TRAF1: variants seen among roughly 807,000 people sequenced by gnomAD.
The protein encoded by TRAF1 is TNF receptor-associated factor 1.
A neutral mutation model predicts 40.9 loss-of-function variants in TRAF1; 23 were observed. That is an observed-to-expected ratio of 0.56 (90% CI 0.40 to 0.80). TRAF1 has a LOEUF of 0.80. Ranked by LOEUF, TRAF1 falls within the 30% of genes least tolerant of loss-of-function variation. The pLI is 0.00. For missense variants in TRAF1, 477 were observed against 528.7 expected, an observed-to-expected ratio of 0.90 and a Z score of 0.96; for synonymous variants, 206 against 218.8, an observed-to-expected ratio of 0.94 and a Z score of 0.52.
At chr9:120,917,624 C>G (rs959920737) in intron 3 of TRAF1, among the ~76,000 whole-genome samples, 1 of 152,140 alleles carries the variant, frequency 6.6e-6, no homozygotes, top group African/African-American at 2.4e-5. Flanking sequence ...GACTGCGTTG[C>G]TCCTGGAGGC....
intron 3 of TRAF1, among the ~76,000 whole-genome samples, chr9:120,921,670 T>C (rs1056329410): frequency 9.2e-5 from 14 of 152,174 alleles, no homozygotes; most frequent in African/African-American, 3.4e-4. Flanking sequence ...TCTTACCACG[T>C]TGCAGAGTGT....
intron 6 of TRAF1, among the ~76,000 whole-genome samples, chr9:120,909,972 G>A (rs2046513917): frequency 6.6e-6 from 1 of 152,220 alleles, no homozygotes; most frequent in Non-Finnish European, 1.5e-5. Flanking sequence ...GGTACATGGG[G>A]TGACTCGCAG....
At chr9:120,921,617 G>C (rs979324288) in intron 3 of TRAF1, among the ~76,000 whole-genome samples, 1 of 152,046 alleles carries the variant, frequency 6.6e-6, no homozygotes, top group Non-Finnish European at 1.5e-5. Context: ...GCCAAACAGT[G>C]AGGCTCAGGG....
chr9:120,915,882 T>A (rs1283232884), intron 3 of TRAF1, among the ~76,000 whole-genome samples: 1 of 152,160 alleles, frequency 6.6e-6, no homozygotes, highest in South Asian at 2.1e-4. Context: ...TATGAAAGTA[T>A]CTTATAAAGT....
At chr9:120,921,365 G>A (rs1053604050) in intron 3 of TRAF1, among the ~76,000 whole-genome samples, 8 of 151,894 alleles carry the variant, frequency 5.3e-5, no homozygotes, top group African/African-American at 1.9e-4. Context: ...CCATCAGAAT[G>A]CTTTTACTTT....
At chr9:120,920,956 G>A (rs542966744) in intron 3 of TRAF1, among the ~76,000 whole-genome samples, 22 of 152,250 alleles carry the variant, frequency 1.4e-4, no homozygotes, top group African/African-American at 5.1e-4. Flanking sequence ...TCCCACTGGG[G>A]CAAAAGTCAG....
At position 120,924,943 on chromosome 9, in the gene TRAF1, G is replaced by C. The variant is rs1009938533; in HGVS notation, c.140+993C>G. 2.6e-5 allele frequency among the ~76,000 whole-genome samples: 4 copies of C among 152,214 alleles called. 1 individual carries two copies. Among genetic ancestry groups the C allele is most frequent in the Admixed American group, 2.0e-4 (3 of 15,286 alleles). On this transcript the variant is annotated intron_variant, in intron 2 of 7. Coordinates refer to ENST00000373887, the MANE Select transcript of TRAF1 (RefSeq NM_005658.5). Reference sequence around the variant, plus strand: ...TGCCAGGTTTTGGAAGGAGGGAGAGGGGAAACCAGGAGACCCACTACCAGA... The same window carrying C: ...TGCCAGGTTTTGGAAGGAGGGAGAGCGGAAACCAGGAGACCCACTACCAGA...
At chr9:120,923,953 C>A (rs1347093560) in intron 2 of TRAF1, among the ~76,000 whole-genome samples, 161 bp from the exon 3 acceptor site, 5 of 152,144 alleles carry the variant, frequency 3.3e-5, no homozygotes, top group African/African-American at 1.2e-4. Flanking sequence ...GCCGAGTATC[C>A]CACATTTTTT....
At chr9:120,914,095 C>A in intron 4 of TRAF1, 140 bp downstream of exon 4, 1 of 701,482 alleles carries the variant, frequency 1.4e-6, no homozygotes, top group Non-Finnish European at 2.2e-6. Flanking sequence ...GGCTCTGATG[C>A]TTGGGAAAGT....
chr9:120,917,451 C>G (rs1246408809), intron 3 of TRAF1, among the ~76,000 whole-genome samples: 2 of 152,178 alleles, frequency 1.3e-5, no homozygotes, highest in South Asian at 4.1e-4. Context: ...TACCCCCTTA[C>G]AGGGTTATTG....
chr9:120,913,331 C>A lies in TRAF1; in HGVS notation c.702G>T (p.Gln234His). The change falls in exon 5 of 8, where the codon CAG (glutamine) becomes CAT (histidine). Residue 234 changes from glutamine to histidine, a missense_variant. Coordinates refer to ENST00000373887, the MANE Select transcript of TRAF1 (RefSeq NM_005658.5). ...CAAACCTGCCTCCCACACTCACCCT[C>A]TGCTCCAAGCTCAGGATGCGCTCAC... is the stretch of plus-strand genomic sequence containing the variant. ...LDRERILSLE[Q>H]RVVELQQTLA... 1 of 1,602,074 alleles carries A rather than the reference C, an allele frequency of 6.2e-7. No individual in the cohort carries two copies. The highest frequency in any genetic ancestry group is 1.1e-5 in the South Asian group (1 of 90,086).
Position 120,911,390 on chromosome 9 carries a change from T to C in TRAF1, c.829A>G (p.Thr277Ala). 6.2e-7 allele frequency: 1 copy of C among 1,613,594 alleles called. No homozygotes were observed. The highest frequency in any genetic ancestry group is 8.5e-7 in the Non-Finnish European group (1 of 1,180,004). ...GTFLWKITNV[T>A]RRCHESACGR... ...CAGGCCGACTCATGGCACCGCCTGG[T>C]GACATTGGTGATCTTCCACAGGAAA... is the stretch of plus-strand genomic sequence containing the variant. The change falls in exon 6 of 8, where the codon ACC becomes GCC. Residue 277 changes from threonine (T) to alanine (A), a missense_variant. By Grantham distance (58) the Thr-to-Ala change is moderately conservative (BLOSUM62 0). Coordinates refer to ENST00000373887, the MANE Select transcript of TRAF1 (RefSeq NM_005658.5).
intron 3 of TRAF1, among the ~76,000 whole-genome samples, chr9:120,916,373 C>T (rs562151587): frequency 9.6e-4 from 146 of 152,178 alleles, no homozygotes; most frequent in African/African-American, 2.6e-3. Context: ...ACTGTAGTGG[C>T]GGTTACATGA....
At chr9:120,911,690 C>T (rs545076273) in intron 5 of TRAF1, among the ~76,000 whole-genome samples, 177 bp from the exon 6 acceptor site, 1 of 152,284 alleles carries the variant, frequency 6.6e-6, no homozygotes, top group African/African-American at 2.4e-5. Context: ...CCTTATCCAC[C>T]AGGAATCCAG....
Position 120,911,505 on chromosome 9 carries a change from C to T in TRAF1, c.714G>A (p.Glu238=), listed in dbSNP as rs1465200359. Residue 238 remains glutamate, a synonymous_variant, in exon 6 of 8, where the codon GAG becomes GAA. Transcript: ENST00000373887. ...RILSLEQRVV[E]LQQTLAQKDQ... ...CTTTCTGGGCCAGGGTCTGCTGAAGCTCCACCACCTGTAGGGAAGACTGTT... is the reference window on the plus strand; with the variant it reads ...CTTTCTGGGCCAGGGTCTGCTGAAGTTCCACCACCTGTAGGGAAGACTGTT... 6.2e-7 allele frequency: 1 copy of T among 1,611,364 alleles called. No homozygotes were observed. The highest frequency in any genetic ancestry group is 8.5e-7 in the Non-Finnish European group (1 of 1,178,680).
chr9:120,913,449 C>A lies in TRAF1; in HGVS notation c.584G>T (p.Arg195Leu), dbSNP rs140933488. The A allele has an allele frequency of 1.2e-6, 2 of 1,613,992 alleles. No individual in the cohort carries two copies. Among genetic ancestry groups the A allele is most frequent in the Non-Finnish European group, 1.7e-6 (2 of 1,180,022 alleles). ...GACAGCAACAATGTTCTCAAACACA[C>A]GCAGCTTCCCCTCCAGCTCAGCCAG... ...KLLAELEGKL[R>L]VFENIVAVLN... The change falls in exon 5 of 8, where the codon CGT becomes CTT. Residue 195 changes from arginine to leucine, a missense_variant. By Grantham distance (102) the Arg-to-Leu change is moderately radical. Coordinates refer to ENST00000373887, the MANE Select transcript of TRAF1 (RefSeq NM_005658.5).
intron 2 of TRAF1, 91 bp downstream of exon 2, chr9:120,925,845 A>G (rs751080512): frequency 5.8e-5 from 91 of 1,568,286 alleles, no homozygotes; most frequent in Non-Finnish European, 7.4e-5. Context: ...TCACCGCCTG[A>G]AGTCACAGGC....
At chr9:120,911,579 G>A (rs1422028759) in intron 5 of TRAF1, 66 bp from the exon 6 acceptor site, 1 of 1,552,844 alleles carries the variant, frequency 6.4e-7, no homozygotes, top group African/African-American at 1.4e-5. Flanking sequence ...GGAATGGCGG[G>A]ATGTGGAGAT....
At chr9:120,914,404 C>G in intron 3 of TRAF1, 104 bp from the exon 4 acceptor site, 1 of 1,277,012 alleles carries the variant, frequency 7.8e-7, no homozygotes, top group African/African-American at 1.5e-5. Flanking sequence ...ATGGCTTGGG[C>G]CACATGACTT....
Sources: allele counts gnomAD v4.1 joint callset (sites outside exome capture counted in the v4.1 genomes callset), GRCh38; gene constraint gnomAD v4.1.1; transcripts MANE v1.5; gene names NCBI Gene and HGNC (gene_info 2026-07-23, HGNC 2026-07-21).